The following NKAIN2 variants were observed in gnomAD, a reference collection of about 807,000 sequenced individuals.
NKAIN2 encodes sodium/potassium-transporting ATPase subunit beta-1-interacting protein 2.
NKAIN2 carries 14 observed loss-of-function variants against 32.6 expected under a neutral mutation model. The observed-to-expected ratio is 0.43, with a 90% CI of 0.28 to 0.67. The LOEUF is 0.67. NKAIN2 is among the 30% of genes least tolerant of loss of function. The pLI is 0.17. For synonymous variants in NKAIN2, 80 were observed against 87.2 expected, an observed-to-expected ratio of 0.92 and a Z score of 0.46; for missense variants, 198 against 258.3, an observed-to-expected ratio of 0.77 and a Z score of 1.60.
At chr6:124,287,512 C>CA (rs1460539442) in intron 2 of NKAIN2, among the ~76,000 whole-genome samples, 1 of 152,048 alleles carries the variant, frequency 6.6e-6, no homozygotes, top group African/African-American at 2.4e-5. Flanking sequence ...TCATTAGTGC[C>CA]ATAGAGAGCT....
At chr6:124,155,443 C>A (rs906925769) in intron 1 of NKAIN2, among the ~76,000 whole-genome samples, 1 of 150,784 alleles carries the variant, frequency 6.6e-6, no homozygotes, top group Non-Finnish European at 1.5e-5. Flanking sequence ...TATTATATGT[C>A]AATTAAAAAG....
chr6:123,976,163 T>C (rs1344467893), intron 1 of NKAIN2, among the ~76,000 whole-genome samples: 1 of 150,208 alleles, frequency 6.7e-6, no homozygotes, highest in Non-Finnish European at 1.5e-5. Flanking sequence ...TTTTTCTTTA[T>C]AAATTACCCA....
intron 5 of NKAIN2, among the ~76,000 whole-genome samples, chr6:124,811,510 A>G (rs1780903762): frequency 6.6e-6 from 1 of 152,206 alleles, no homozygotes; most frequent in East Asian, 1.9e-4. Flanking sequence ...AAACTTTTTT[A>G]TCTTACTTGG....
chr6:124,181,844 G>A (rs796448562), intron 1 of NKAIN2, among the ~76,000 whole-genome samples: 8 of 152,250 alleles, frequency 5.3e-5, no homozygotes, highest in African/African-American at 1.9e-4. Flanking sequence ...GAAGCTCCAA[G>A]CTTTCCCACA....
At position 123,883,011 on chromosome 6, in the gene NKAIN2, C is replaced by T. The variant is rs924228077; in HGVS notation, c.54+78757C>T. Among the ~76,000 whole-genome samples the T allele has an allele frequency of 2.0e-5, 3 of 152,094 alleles. No homozygotes were observed. In the East Asian group the frequency reaches 5.8e-4, roughly 29 times the overall value. ...TACATGTGTGTGTTTGTATTATACA[C>T]GCATTGATATGGTTTGTGTCCTTGC... is the stretch of plus-strand genomic sequence containing the variant. On this transcript the variant is annotated intron_variant, in intron 1 of 6. Transcript: ENST00000368417.
At chr6:123,839,155 C>T (rs1443047145) in intron 1 of NKAIN2, among the ~76,000 whole-genome samples, 1 of 151,662 alleles carries the variant, frequency 6.6e-6, no homozygotes, top group Non-Finnish European at 1.5e-5. Flanking sequence ...CAGAGCATAT[C>T]CTTCCCACTT....
chr6:123,838,941 G>A (rs1774745278), intron 1 of NKAIN2, among the ~76,000 whole-genome samples: 2 of 152,160 alleles, frequency 1.3e-5, no homozygotes, highest in Admixed American at 6.5e-5. Flanking sequence ...CTCGCATATG[G>A]ATAATGACTC....
At chr6:124,739,894 C>T (rs936134258) in intron 4 of NKAIN2, among the ~76,000 whole-genome samples, 2 of 151,770 alleles carry the variant, frequency 1.3e-5, no homozygotes, top group Non-Finnish European at 2.9e-5. Flanking sequence ...CATGTTCTGG[C>T]AGGGGGAAGG....
chr6:124,385,958 T>C (rs1019837128), intron 3 of NKAIN2, among the ~76,000 whole-genome samples: 8 of 152,142 alleles, frequency 5.3e-5, no homozygotes, highest in Admixed American at 4.6e-4. Flanking sequence ...GACACTTATG[T>C]AAGCAATGAT....
intron 3 of NKAIN2, among the ~76,000 whole-genome samples, chr6:124,591,739 A>G (rs1781921305): frequency 6.6e-6 from 1 of 152,100 alleles, no homozygotes; most frequent in Admixed American, 6.6e-5. Context: ...TATATTCCAC[A>G]GTTCTTTCAC....
chr6:124,013,888 G>A (rs1267569404), intron 1 of NKAIN2, among the ~76,000 whole-genome samples: 2 of 152,140 alleles, frequency 1.3e-5, no homozygotes, highest in East Asian at 1.9e-4. Flanking sequence ...GCTTTTGGAA[G>A]CAGGAAAAAA....
intron 3 of NKAIN2, among the ~76,000 whole-genome samples, chr6:124,374,936 G>A (rs1036827592): frequency 2.6e-5 from 4 of 152,036 alleles, no homozygotes; most frequent in Non-Finnish European, 4.4e-5. Context: ...AATGGCCTCT[G>A]CTATCTCCTC....
chr6:124,104,502 T>C (rs1582650626), intron 1 of NKAIN2, among the ~76,000 whole-genome samples: 1 of 152,348 alleles, frequency 6.6e-6, no homozygotes, highest in Non-Finnish European at 1.5e-5. Context: ...GATTATGGAC[T>C]TTTTAATTTT....
chr6:123,852,716 G>A (rs1035071557), intron 1 of NKAIN2, among the ~76,000 whole-genome samples: 1 of 152,148 alleles, frequency 6.6e-6, no homozygotes, highest in African/African-American at 2.4e-5. Flanking sequence ...TGAACGTGGA[G>A]AACATTATGT....
At chr6:124,779,433 T>A (rs1403284456) in intron 4 of NKAIN2, among the ~76,000 whole-genome samples, 17 of 152,064 alleles carry the variant, frequency 1.1e-4, no homozygotes, top group Non-Finnish European at 2.5e-4. Flanking sequence ...ATTATTTAAA[T>A]GAGTTGGTTC....
At position 124,093,200 on chromosome 6, in the gene NKAIN2, T is replaced by C. The variant is rs190325384; in HGVS notation, c.55-189805T>C. On this transcript the variant is annotated intron_variant, in intron 1 of 6. Coordinates refer to ENST00000368417, the MANE Select transcript of NKAIN2 (RefSeq NM_001040214.3). ...TATCTATGGGGAAGACAACCATGGC[T>C]AAACATGAGAGTAGAAAAATACACC... is the stretch of plus-strand genomic sequence containing the variant. 6.9e-4 allele frequency among the ~76,000 whole-genome samples: 105 copies of C among 152,238 alleles called. 1 individual carries two copies. The highest frequency in any genetic ancestry group is 2.4e-3 in the African/African-American group (100 of 41,570).
chr6:123,856,338 C>A (rs1485530908), intron 1 of NKAIN2, among the ~76,000 whole-genome samples: 2 of 152,024 alleles, frequency 1.3e-5, no homozygotes, highest in Non-Finnish European at 2.9e-5. Context: ...TTATATTTAA[C>A]CCTCAGTCTT....
intron 3 of NKAIN2, among the ~76,000 whole-genome samples, chr6:124,443,199 C>T (rs1775760969): frequency 6.6e-6 from 1 of 152,062 alleles, no homozygotes; most frequent in African/African-American, 2.4e-5. Flanking sequence ...GGGTTTTTCT[C>T]CTATCCTCCC....
chr6:124,322,242 C>G (rs923435239), intron 2 of NKAIN2, among the ~76,000 whole-genome samples: 5 of 152,062 alleles, frequency 3.3e-5, no homozygotes, highest in Non-Finnish European at 5.9e-5. Context: ...AAAAATAACT[C>G]TAGCCTTAAT....
Sources: allele counts gnomAD v4.1 joint callset (sites outside exome capture counted in the v4.1 genomes callset), GRCh38; gene constraint gnomAD v4.1.1; transcripts MANE v1.5; gene names NCBI Gene and HGNC (gene_info 2026-07-23, HGNC 2026-07-21).